The following THBS4 variants were observed in gnomAD, a reference collection of about 807,000 sequenced individuals.
THBS4 encodes thrombospondin 4, also known as thrombospondin-4.
In THBS4, 90 loss-of-function variants were observed where a neutral mutation model predicts 115.7. The observed-to-expected ratio is 0.78, with a 90% CI of 0.66 to 0.93. The LOEUF is 0.93. Among genes scored for constraint, THBS4 ranks in the 40% least tolerant of loss-of-function variants. The pLI is 0.00. For missense variants in THBS4, 1,087 were observed against 1,232.7 expected (o/e 0.88, Z 1.77); for synonymous variants, 460 against 479.3 (o/e 0.96, Z 0.53).
chr5:80,061,752 A>G lies in THBS4; in HGVS notation c.1045A>G (p.Arg349Gly). The G allele has an allele frequency of 6.2e-7, 1 of 1,614,170 alleles. No individual in the cohort carries two copies. Among genetic ancestry groups the G allele is most frequent in the Non-Finnish European group, 8.5e-7 (1 of 1,180,010 alleles). The change falls in exon 8 of 22, where the codon AGA (arginine) becomes GGA (glycine). Residue 349 changes from arginine to glycine, a missense_variant. By Grantham distance (125) the Arg-to-Gly change is moderately radical. This residue lies in a region of THBS4 where 979 missense variants were observed against 1,103.7 expected (regional missense o/e 0.89). Transcript: ENST00000350881. Reference sequence around the variant, plus strand: ...CTGCATAAATTTGTCTCCTGGCTTCAGATGTGACGCCTGCCCAGTGGGCTT... The same window carrying G: ...CTGCATAAATTTGTCTCCTGGCTTCGGATGTGACGCCTGCCCAGTGGGCTT... ...VHCINLSPGF[R>G]CDACPVGFTG... is the part of the protein sequence containing the mutation.
intron 2 of THBS4, among the ~76,000 whole-genome samples, chr5:80,051,681 C>T (rs1472865004): frequency 6.6e-6 from 1 of 152,180 alleles, no homozygotes; most frequent in African/African-American, 2.4e-5. Context: ...AATTGCTGCT[C>T]TCTAAACTTT....
intron 2 of THBS4, chr5:79,998,453 C>G (rs116172614): frequency 0.022 from 3,408 of 158,304 alleles, 61 homozygotes; most frequent in Non-Finnish European, 0.034. Flanking sequence ...CTCTTTTCTT[C>G]ATAAATTACC....
chr5:80,039,407 T>C (rs1046416905), intron 1 of THBS4, among the ~76,000 whole-genome samples: 1 of 152,238 alleles, frequency 6.6e-6, no homozygotes, highest in African/African-American at 2.4e-5. Context: ...AAATGCAGAT[T>C]CTGATTTTTG....
upstream of THBS4, among the ~76,000 whole-genome samples, chr5:80,032,229 T>C (rs1427134574): frequency 1.3e-5 from 2 of 152,200 alleles, no homozygotes; most frequent in African/African-American, 4.8e-5. Flanking sequence ...CCTGAGGACA[T>C]AAAGTTTACT....
rs1009218616 is a variant in THBS4, at chr5:80,065,084, T to A, written c.1126-325T>A. On this transcript the variant is annotated intron_variant, in intron 8 of 21. Coordinates refer to ENST00000350881, the MANE Select transcript of THBS4 (RefSeq NM_003248.6). ...TTGAAAAAAGCTAAGAATCCTCATT[T>A]AGGAGAACTGCATTGATTCCCAAGC... is the stretch of plus-strand genomic sequence containing the variant. Among the ~76,000 whole-genome samples, 3 of 152,236 alleles carry A rather than the reference T, an allele frequency of 2.0e-5. No homozygotes were observed. The East Asian group carries it at 5.8e-4, about 29-fold the overall frequency.
At chr5:80,081,935 T>C (rs1743525232) in intron 20 of THBS4, 3 of 154,180 alleles carry the variant, frequency 1.9e-5, no homozygotes, top group Admixed American at 6.4e-5. Flanking sequence ...TAGGGAGTGC[T>C]GTCTCCTGTG....
chr5:80,006,207 T>C (rs1832014960), intron 2 of THBS4, among the ~76,000 whole-genome samples: 1 of 152,234 alleles, frequency 6.6e-6, no homozygotes, highest in African/African-American at 2.4e-5. Context: ...AGCTTCCCTC[T>C]TGATATGGTT....
chr5:80,001,089 G>A (rs1382315861), intron 2 of THBS4, among the ~76,000 whole-genome samples: 1 of 152,138 alleles, frequency 6.6e-6, no homozygotes, highest in African/African-American at 2.4e-5. Context: ...CCTGATCCAT[G>A]AGCATCATCT....
chr5:80,058,323 T>C lies in THBS4; in HGVS notation c.649+9T>C, dbSNP rs1170505895. 4 of 1,550,808 alleles carry C rather than the reference T, an allele frequency of 2.6e-6. No individual in the cohort carries two copies. Among genetic ancestry groups the C allele is most frequent in the South Asian group, 1.2e-5 (1 of 84,236 alleles). On this transcript the variant is annotated intron_variant, in intron 4 of 21. Transcript: ENST00000350881. ...GGCTGCCACAGGCACAGGTGTGGGC[T>C]CTTGGGCAGTTTGCATGCCTTCATC...
chr5:80,074,707 G>A (rs1743110528), intron 15 of THBS4, among the ~76,000 whole-genome samples: 1 of 150,880 alleles, frequency 6.6e-6, no homozygotes, highest in African/African-American at 2.4e-5. Context: ...TCCACCTCCT[G>A]GGTTCAAGCA....
chr5:80,027,383 T>C (rs889111215), intron 2 of THBS4, among the ~76,000 whole-genome samples: 3 of 152,126 alleles, frequency 2.0e-5, no homozygotes, highest in Non-Finnish European at 4.4e-5. Context: ...TTTGCAACCA[T>C]GAGGGAAATC....
At position 80,080,063 on chromosome 5, in the gene THBS4, G is replaced by C; in HGVS notation, c.2670G>C (p.Gln890His). The C allele has an allele frequency of 1.2e-6, 2 of 1,613,876 alleles. No individual in the cohort carries two copies. Among genetic ancestry groups the C allele is most frequent in the Non-Finnish European group, 1.7e-6 (2 of 1,179,900 alleles). Residue 890 changes from glutamine (Q) to histidine (H), a missense_variant, in exon 20 of 22, where the codon CAG (glutamine) becomes CAC (histidine). This residue lies in a region of THBS4 where 103 missense variants were observed against 108.2 expected (regional missense o/e 0.95). Transcript: ENST00000350881. ...GCTGGTTCCTACAGCACAGGCCCCA[G>C]GTGGGCTACATCAGGTAGGTAGAGG... ...SYRWFLQHRP[Q>H]VGYIRVRFYE...
At chr5:80,012,472 A>C (rs1418536688) in intron 2 of THBS4, among the ~76,000 whole-genome samples, 1 of 152,190 alleles carries the variant, frequency 6.6e-6, no homozygotes, top group Non-Finnish European at 1.5e-5. Context: ...CTAGAAACCC[A>C]AACAGAGGGA....
rs979149002 is a variant in THBS4, at chr5:80,058,419, C to G, written c.649+105C>G. The G allele has an allele frequency of 1.5e-5, 12 of 779,318 alleles. No individual in the cohort carries two copies. The Admixed American group carries it at 3.1e-4, about 20-fold the overall frequency. The allele number at this position is 779,318 out of a possible 1,614,324, so 48.3% of individuals were successfully genotyped here. ...AAAGTGGGACTGTCAACAGAGCAGCCCAACAAAACGTATCTATGAAAATCA... is the reference window on the plus strand; with the variant it reads ...AAAGTGGGACTGTCAACAGAGCAGCGCAACAAAACGTATCTATGAAAATCA... On this transcript the variant is annotated intron_variant, in intron 4 of 21. Coordinates refer to ENST00000350881, the MANE Select transcript of THBS4 (RefSeq NM_003248.6).
chr5:80,042,558 C>T (rs994111105), intron 2 of THBS4, among the ~76,000 whole-genome samples: 5 of 152,170 alleles, frequency 3.3e-5, no homozygotes, highest in Admixed American at 6.5e-5. Flanking sequence ...TTCCCCTGAA[C>T]GGATCCTTTC....
At chr5:80,003,217 G>C (rs1437139123) in intron 2 of THBS4, among the ~76,000 whole-genome samples, 2 of 152,116 alleles carry the variant, frequency 1.3e-5, no homozygotes, top group African/African-American at 4.8e-5. Context: ...AATGTTTCTG[G>C]AGTTATTCCT....
intron 3 of THBS4, among the ~76,000 whole-genome samples, chr5:80,057,731 G>T (rs2249794): frequency 6.6e-6 from 1 of 152,000 alleles, no homozygotes; most frequent in Non-Finnish European, 1.5e-5. Flanking sequence ...AAAATATGAT[G>T]CCAACTACCT....
At chr5:80,055,700 A>G in intron 2 of THBS4, 85 bp from the exon 3 acceptor site, 2 of 1,541,922 alleles carry the variant, frequency 1.3e-6, no homozygotes, top group Non-Finnish European at 1.8e-6. Flanking sequence ...TGTTCAGCAC[A>G]GGACACTTAT....
intron 1 of THBS4, among the ~76,000 whole-genome samples, chr5:80,039,021 A>G (rs1832808582): frequency 6.6e-6 from 1 of 152,222 alleles, no homozygotes; most frequent in Non-Finnish European, 1.5e-5. Flanking sequence ...ATTTATTTAT[A>G]TACTTAATGG....
Sources: gnomAD v4.1 joint callset for allele counts (sites outside exome capture counted in the v4.1 genomes callset) on GRCh38, gnomAD v4.1.1 for gene constraint, gnomAD v4.1.1 regional missense constraint, MANE v1.5 for transcripts, NCBI Gene and HGNC (gene_info 2026-07-23, HGNC 2026-07-21) for gene names.